The following PCK2 variants were observed in gnomAD, a reference collection of about 807,000 sequenced individuals.
PCK2 encodes the protein phosphoenolpyruvate carboxykinase 2, mitochondrial.
In PCK2, 56 loss-of-function variants were observed where a neutral mutation model predicts 65.9. That is an observed-to-expected ratio of 0.85 (90% CI 0.69 to 1.06). PCK2 has a LOEUF of 1.06. PCK2 is among the 50% of genes least tolerant of loss of function. The pLI is 0.00. For missense variants in PCK2, 843 were observed against 863.1 expected, an observed-to-expected ratio of 0.98 and a Z score of 0.29; for synonymous variants, 305 against 319.6, an observed-to-expected ratio of 0.95 and a Z score of 0.49.
intron 7 of PCK2, 176 bp from the exon 8 acceptor site, chr14:24,102,577 C>T (rs757026173): frequency 1.6e-6 from 1 of 616,612 alleles, no homozygotes; most frequent in Non-Finnish European, 2.9e-6. Flanking sequence ...GGCTAAACAA[C>T]CTGAGCTCTT....
At chr14:24,095,953 C>T (rs952281309) in intron 1 of PCK2, among the ~76,000 whole-genome samples, 1 of 152,194 alleles carries the variant, frequency 6.6e-6, no homozygotes, top group Admixed American at 6.5e-5. Context: ...AGATCAGGGC[C>T]TGGAAGCCCA....
intron 6 of PCK2, 123 bp downstream of exon 6, chr14:24,099,843 T>G: frequency 4.6e-6 from 7 of 1,529,888 alleles, no homozygotes; most frequent in Non-Finnish European, 6.3e-6. Flanking sequence ...CCTGCTCCAT[T>G]CCTCTGGCAG....
Position 24,094,921 on chromosome 14 carries a change from C to A in PCK2, c.29+487C>A. On this transcript the variant is annotated intron_variant, in intron 1 of 9. Transcript: ENST00000216780. The surrounding 1 kb of genome is among the most constrained non-coding windows in gnomAD (Gnocchi z 4.1). ...GGTTAAATATCCATTCCCGGCCTCT[C>A]CCGGACTGGAAGGACTGGAACCTGG... 8.8e-7 allele frequency: 1 copy of A among 1,141,598 alleles called. No individual in the cohort carries two copies. The highest frequency in any genetic ancestry group is 1.3e-5 in the South Asian group (1 of 76,936). 70.7% of individuals were successfully genotyped at this position (1,141,598 alleles called of 1,614,324 possible). A position where few individuals can be genotyped will look rare whatever the true frequency, so the allele number is the denominator to read the frequency against.
chr14:24,103,941 G>A lies in PCK2; in HGVS notation c.1900G>A (p.Glu634Lys), dbSNP rs760207332. 1.2e-6 allele frequency: 2 copies of A among 1,613,874 alleles called. No individual in the cohort carries two copies. The highest frequency in any genetic ancestry group is 4.5e-5 in the East Asian group (2 of 44,884). Residue 634 changes from glutamate to lysine, a missense_variant, in exon 10 of 10, where the codon GAG (glutamate) becomes AAG (lysine). Coordinates refer to ENST00000216780, the MANE Select transcript of PCK2 (RefSeq NM_004563.4). ...KEVLAELEAL[E>K]RRVHKM ...GGTGTTGGCTGAGCTTGAGGCCCTG[G>A]AGAGACGTGTGCACAAAATGTGACC...
chr14:24,099,034 C>A lies in PCK2; in HGVS notation c.665-15C>A. 1.3e-6 allele frequency: 2 copies of A among 1,588,340 alleles called. No individual in the cohort carries two copies. Among genetic ancestry groups the A allele is most frequent in the African/African-American group, 1.3e-5 (1 of 74,694 alleles). On this transcript the variant is annotated splice_polypyrimidine_tract_variant and intron_variant, in intron 4 of 9. Transcript: ENST00000216780. ...GATGCTGCTGCCAGCAGCCCCATGA[C>A]CCCATTGTCCCCAGGGGAGCCAGTG...
chr14:24,098,442 A>G, intron 3 of PCK2, 33 bp from the exon 4 acceptor site: 1 of 1,613,676 alleles, frequency 6.2e-7, no homozygotes, highest in Non-Finnish European at 8.5e-7. Context: ...ACAGGTTTGG[A>G]ACCCTTCATC....
At position 24,097,007 on chromosome 14, in the gene PCK2, G is replaced by C. The variant is rs1203564774; in HGVS notation, c.145G>C (p.Glu49Gln). ...TCCCACTGGCATTCGAGATTTTGTA[G>C]AGCACAGTGCCCGCCTGTGCCAACC... ...QLPTGIRDFV[E>Q]HSARLCQPEG... The change falls in exon 2 of 10, where the codon GAG (glutamate) becomes CAG (glutamine). Residue 49 changes from glutamate to glutamine, a missense_variant. Coordinates refer to ENST00000216780, the MANE Select transcript of PCK2 (RefSeq NM_004563.4). 6.2e-7 allele frequency: 1 copy of C among 1,613,642 alleles called. No individual in the cohort carries two copies. The highest frequency in any genetic ancestry group is 1.1e-5 in the South Asian group (1 of 91,048).
At chr14:24,095,042 C>A in intron 1 of PCK2, 1 of 449,438 alleles carries the variant, frequency 2.2e-6, no homozygotes, top group Non-Finnish European at 4.5e-6. Flanking sequence ...TCTTACATAG[C>A]TGGCTTCTTC....
chr14:24,100,385 C>G, intron 7 of PCK2, 172 bp downstream of exon 7: 1 of 1,380,542 alleles, frequency 7.2e-7, no homozygotes, highest in Non-Finnish European at 9.6e-7. Flanking sequence ...CCCAACTCCA[C>G]CAGTCACTGG....
intron 1 of PCK2, among the ~76,000 whole-genome samples, chr14:24,095,868 C>A (rs2036851056): frequency 6.6e-6 from 1 of 152,326 alleles, no homozygotes; most frequent in South Asian, 2.1e-4. Flanking sequence ...AGTGGTCAAC[C>A]TTCCGCAGAG....
At chr14:24,102,949 ACCTC>A in intron 8 of PCK2, 59 bp downstream of exon 8, 1 of 1,517,950 alleles carries the variant, frequency 6.6e-7, no homozygotes, top group South Asian at 1.1e-5. Context: ...ATTAGGGCCT[ACCTC>A]CCTCCCTCTG....
intron 7 of PCK2, chr14:24,100,602 A>C: frequency 9.4e-7 from 1 of 1,064,856 alleles, no homozygotes; most frequent in Admixed American, 4.7e-5. Context: ...AAAAGGAAGG[A>C]CTTTTGAACA....
At position 24,099,136 on chromosome 14, in the gene PCK2, G is replaced by T; in HGVS notation, c.752G>T (p.Ser251Ile). 6.2e-7 allele frequency: 1 copy of T among 1,611,748 alleles called. No individual in the cohort carries two copies. The highest frequency in any genetic ancestry group is 8.5e-7 in the Non-Finnish European group (1 of 1,179,448). ...CAGCGGGAGATCATCTCCTTCGGCA[G>T]CGGCTATGGTGGCAACTCCCTGCTG... Reference protein sequence around the residue: ...PDQREIISFGSGYGGNSLLGK... With the variant: ...PDQREIISFGIGYGGNSLLGK... The change falls in exon 5 of 10, where the codon AGC becomes ATC. Residue 251 changes from serine to isoleucine, a missense_variant. Physicochemically the swap from Ser to Ile is moderately radical, Grantham distance 142 (BLOSUM62 -2). Transcript: ENST00000216780.
chr14:24,102,367 C>A (rs1395134468), intron 7 of PCK2, among the ~76,000 whole-genome samples: 1 of 152,178 alleles, frequency 6.6e-6, no homozygotes, highest in Non-Finnish European at 1.5e-5. Flanking sequence ...TTTGGGTATT[C>A]ATTTAAATAA....
At position 24,103,812 on chromosome 14, in the gene PCK2, G is replaced by A; in HGVS notation, c.1771G>A (p.Asp591Asn). The A allele has an allele frequency of 3.1e-6, 5 of 1,614,154 alleles. No individual in the cohort carries two copies. The highest frequency in any genetic ancestry group is 4.2e-6 in the Non-Finnish European group (5 of 1,180,026). ...GGATCTCAGCGGCCTCAGAGCTATA[G>A]ACACCACTCAGCTGTTCTCCCTCCC... is the stretch of plus-strand genomic sequence containing the variant. ...ALDLSGLRAI[D>N]TTQLFSLPKD... The change falls in exon 10 of 10, where the codon GAC becomes AAC. Residue 591 changes from aspartate to asparagine, a missense_variant. Physicochemically the swap from Asp to Asn is conservative, Grantham distance 23. Coordinates refer to ENST00000216780, the MANE Select transcript of PCK2 (RefSeq NM_004563.4).
At position 24,094,904 on chromosome 14, in the gene PCK2, A is replaced by C; in HGVS notation, c.29+470A>C. ...CCCTAAAGAAGGTGGAAGGTTAAAT[A>C]TCCATTCCCGGCCTCTCCCGGACTG... On this transcript the variant is annotated intron_variant, in intron 1 of 9. Transcript: ENST00000216780. The surrounding 1 kb of genome is among the most constrained non-coding windows in gnomAD (Gnocchi z 4.1). 1 of 1,210,758 alleles carries C rather than the reference A, an allele frequency of 8.3e-7. No homozygotes were observed. The highest frequency in any genetic ancestry group is 1.1e-6 in the Non-Finnish European group (1 of 917,838). 75.0% of individuals were successfully genotyped at this position (1,210,758 alleles called of 1,614,324 possible).
At chr14:24,099,832 C>G (rs1289517057) in intron 6 of PCK2, 112 bp downstream of exon 6, 1 of 1,506,764 alleles carries the variant, frequency 6.6e-7, no homozygotes, top group South Asian at 1.1e-5. Flanking sequence ...GAACACCCAA[C>G]CCTGCTCCAT....
intron 6 of PCK2, 46 bp from the exon 7 acceptor site, chr14:24,099,949 A>G: frequency 1.2e-6 from 2 of 1,613,560 alleles, no homozygotes; most frequent in Non-Finnish European, 1.7e-6. Context: ...CTTACATCTC[A>G]AGTTTTCCTT....
At chr14:24,099,348 G>A (rs1221119266) in intron 5 of PCK2, 112 bp downstream of exon 5, 1 of 1,156,646 alleles carries the variant, frequency 8.6e-7, no homozygotes, top group Non-Finnish European at 1.2e-6. Context: ...TGGTGGGCGG[G>A]GACTCTACTT....
Sources: gnomAD v4.1 joint callset for allele counts (sites outside exome capture counted in the v4.1 genomes callset) on GRCh38, gnomAD v4.1.1 for gene constraint, Gnocchi (gnomAD v3.1) non-coding constraint, MANE v1.5 for transcripts, NCBI Gene and HGNC (gene_info 2026-07-23, HGNC 2026-07-21) for gene names.